CEP112: variants seen among roughly 807,000 people sequenced by gnomAD.
CEP112 encodes centrosomal protein 112.
CEP112 carries 127 observed loss-of-function variants against 153.0 expected under a neutral mutation model. The observed-to-expected ratio is 0.83, with a 90% CI of 0.72 to 0.96. The LOEUF (loss-of-function observed/expected upper bound fraction) is 0.96, where lower values mean the gene tolerates loss of function less well. CEP112 is among the 40% of genes least tolerant of loss of function. The pLI, the probability that CEP112 is intolerant of heterozygous loss-of-function variation, is 0.00. For synonymous variants in CEP112, 358 were observed against 374.4 expected (o/e 0.96, Z 0.51); for missense variants, 1,089 against 1,101.2 (o/e 0.99, Z 0.16).
chr17:65,804,107 C>A (rs566554071), intron 21 of CEP112, among the ~76,000 whole-genome samples: 1 of 152,082 alleles, frequency 6.6e-6, no homozygotes, highest in South Asian at 2.1e-4. Context: ...CTTTCAATAA[C>A]CTCTCAGCAT....
At chr17:66,129,713 C>T in intron 6 of CEP112, 33 bp downstream of exon 6, 1 of 1,414,828 alleles carries the variant, frequency 7.1e-7, no homozygotes, top group East Asian at 2.3e-5. Context: ...TTTGACACAT[C>T]TATATATACA....
At chr17:66,027,969 G>A (rs2065291336) in intron 15 of CEP112, among the ~76,000 whole-genome samples, 1 of 125,354 alleles carries the variant, frequency 8.0e-6, no homozygotes, top group Non-Finnish European at 1.7e-5. Context: ...GAGAGAGGCA[G>A]AGAAAGAAAG....
chr17:66,183,285 A>C lies in CEP112; in HGVS notation c.15T>G (p.Ser5Arg). Residue 5 changes from serine (S) to arginine (R), a missense_variant, in exon 2 of 27, where the codon AGT (serine) becomes AGG (arginine). By Grantham distance (110) the Ser-to-Arg change is moderately radical. Transcript: ENST00000535342. The stretch of plus-strand genomic sequence containing the variant: ...CCAGCTTCTCCCATTTTTCTTCTTC[A>C]CTTCCCACTTCCATAATCCAATCTG... MEVG[S>R]EEEKWEKLDA... 1 of 1,610,636 alleles carries C rather than the reference A, an allele frequency of 6.2e-7. No homozygotes were observed. The highest frequency in any genetic ancestry group is 8.5e-7 in the Non-Finnish European group (1 of 1,177,868).
intron 17 of CEP112, among the ~76,000 whole-genome samples, chr17:65,973,848 G>C (rs2062936630): frequency 6.6e-6 from 1 of 152,106 alleles, no homozygotes. Context: ...TATGTACATA[G>C]TTCAAAATAT....
At chr17:65,919,761 T>C (rs1345975822) in intron 19 of CEP112, among the ~76,000 whole-genome samples, 1 of 152,172 alleles carries the variant, frequency 6.6e-6, no homozygotes, top group Non-Finnish European at 1.5e-5. Context: ...GGAAACTTAC[T>C]TTCTCACAAG....
At chr17:66,078,119 A>C (rs945514042) in intron 8 of CEP112, among the ~76,000 whole-genome samples, 8 of 152,200 alleles carry the variant, frequency 5.3e-5, no homozygotes, top group African/African-American at 1.9e-4. Context: ...CATTTGTTGA[A>C]AAGGGTGCCC....
Position 66,069,995 on chromosome 17 carries a change from T to C in CEP112, c.775A>G (p.Met259Val), listed in dbSNP as rs1160576654. 2.5e-6 allele frequency: 4 copies of C among 1,596,914 alleles called. No homozygotes were observed. Among genetic ancestry groups the C allele is most frequent in the Non-Finnish European group, 3.4e-6 (4 of 1,168,018 alleles). Residue 259 changes from methionine to valine, a missense_variant, in exon 9 of 27, where the codon ATG becomes GTG. Met to Val is a conservative substitution (Grantham distance 21). Transcript: ENST00000535342. ...TTAGCTTCCATCATTTTTGTTTTCA[T>C]GTCCAGCTTCAAGAAAAATATTTCA... ...LSRIREKELD[M>V]KTKMMEAKFH...
At chr17:66,053,904 C>T in intron 11 of CEP112, 25 bp from the exon 12 acceptor site, 1 of 1,594,848 alleles carries the variant, frequency 6.3e-7, no homozygotes, top group Non-Finnish European at 8.6e-7. Flanking sequence ...CAAGAGTTGA[C>T]TCTTTTACTA....
chr17:65,859,404 C>T (rs564561407), intron 20 of CEP112, among the ~76,000 whole-genome samples: 36 of 142,904 alleles, frequency 2.5e-4, no homozygotes, highest in Admixed American at 1.0e-3. Flanking sequence ...CGCGCCATTG[C>T]ACTCCAGCCT....
intron 21 of CEP112, among the ~76,000 whole-genome samples, chr17:65,769,958 A>G (rs1459719877): frequency 6.6e-6 from 1 of 152,114 alleles, no homozygotes; most frequent in Non-Finnish European, 1.5e-5. Context: ...AATGGTTCCC[A>G]GAGAGACAAG....
At chr17:65,685,793 C>T (rs1485952938) in intron 24 of CEP112, among the ~76,000 whole-genome samples, 7 of 151,768 alleles carry the variant, frequency 4.6e-5, no homozygotes, top group Non-Finnish European at 8.8e-5. Context: ...CTGCCTCAGC[C>T]TCCCAAGTAG....
At chr17:65,643,707 C>T (rs961724935) in intron 24 of CEP112, among the ~76,000 whole-genome samples, 2 of 152,168 alleles carry the variant, frequency 1.3e-5, no homozygotes, top group African/African-American at 2.4e-5. Flanking sequence ...CTGAGAGATG[C>T]CTTCATCTTC....
chr17:65,846,897 G>A (rs1399634715), intron 21 of CEP112, among the ~76,000 whole-genome samples: 1 of 152,058 alleles, frequency 6.6e-6, no homozygotes, highest in Non-Finnish European at 1.5e-5. Flanking sequence ...AAGCTCCTGG[G>A]GCATTAGAAA....
At chr17:65,691,780 G>T (rs1305091415) in intron 23 of CEP112, among the ~76,000 whole-genome samples, 3 of 152,138 alleles carry the variant, frequency 2.0e-5, no homozygotes, top group Non-Finnish European at 4.4e-5. Context: ...GGAAAGTAAT[G>T]ATTACTGTAT....
chr17:66,176,336 C>T (rs1454517437), intron 3 of CEP112, among the ~76,000 whole-genome samples: 2 of 152,124 alleles, frequency 1.3e-5, no homozygotes, highest in East Asian at 3.9e-4. Flanking sequence ...ATAATAACTG[C>T]CTTTGCAATA....
intron 19 of CEP112, among the ~76,000 whole-genome samples, chr17:65,910,000 T>C (rs1012020520): frequency 6.6e-6 from 1 of 152,132 alleles, no homozygotes; most frequent in African/African-American, 2.4e-5. Flanking sequence ...TAGAGAGAGA[T>C]GAATCAAGTT....
chr17:66,143,486 G>A (rs993605693), intron 4 of CEP112, among the ~76,000 whole-genome samples: 3 of 152,184 alleles, frequency 2.0e-5, no homozygotes, highest in African/African-American at 7.2e-5. Flanking sequence ...ACAGATAAGA[G>A]GGATTCTAAG....
At chr17:65,908,954 T>A (rs989749342) in intron 19 of CEP112, among the ~76,000 whole-genome samples, 4 of 152,196 alleles carry the variant, frequency 2.6e-5, no homozygotes, top group Non-Finnish European at 4.4e-5. Context: ...TACAAGTCCC[T>A]AGGGATCTTG....
intron 21 of CEP112, among the ~76,000 whole-genome samples, chr17:65,834,400 C>A (rs2146149324): frequency 6.6e-6 from 1 of 152,214 alleles, no homozygotes; most frequent in Middle Eastern, 3.4e-3. Flanking sequence ...AAACTATCAA[C>A]AGAGTAAACA....
Sources: allele counts gnomAD v4.1 joint callset (sites outside exome capture counted in the v4.1 genomes callset), GRCh38; gene constraint gnomAD v4.1.1; transcripts MANE v1.5; gene names NCBI Gene and HGNC (gene_info 2026-07-23, HGNC 2026-07-21).